The following ROBO2 variants were observed in gnomAD, a reference collection of about 807,000 sequenced individuals.
ROBO2 encodes roundabout homolog 2.
A neutral mutation model predicts 160.8 loss-of-function variants in ROBO2; 53 were observed. That is an observed-to-expected ratio of 0.33 (90% CI 0.26 to 0.41). The LOEUF (loss-of-function observed/expected upper bound fraction) is 0.41, where lower values mean the gene tolerates loss of function less well. ROBO2 is among the 10% of genes least tolerant of loss of function. The pLI, the probability that ROBO2 is intolerant of heterozygous loss-of-function variation, is 1.00. For synonymous variants in ROBO2, 664 were observed against 611.7 expected (o/e 1.09, Z -1.26); for missense variants, 1,577 against 1,722.4 (o/e 0.92, Z 1.49).
intron 2 of ROBO2, among the ~76,000 whole-genome samples, chr3:77,359,186 T>A (rs1223276262): frequency 6.6e-6 from 1 of 152,178 alleles, no homozygotes; most frequent in Non-Finnish European, 1.5e-5. Flanking sequence ...TATTCGTTTC[T>A]CAGGGACACG....
intron 2 of ROBO2, among the ~76,000 whole-genome samples, chr3:76,384,689 C>T (rs996890059): frequency 1.3e-5 from 2 of 152,124 alleles, no homozygotes; most frequent in Non-Finnish European, 2.9e-5. Flanking sequence ...TCCTTCCTCA[C>T]ATGGTGGCAG....
At chr3:77,122,440 G>A (rs1008099476) in intron 2 of ROBO2, among the ~76,000 whole-genome samples, 3 of 152,108 alleles carry the variant, frequency 2.0e-5, no homozygotes, top group South Asian at 2.1e-4. Flanking sequence ...GTGTTGCCCC[G>A]GCAAAGAGCT....
intron 2 of ROBO2, among the ~76,000 whole-genome samples, chr3:76,148,094 C>A (rs2071988374): frequency 6.6e-6 from 1 of 151,986 alleles, no homozygotes; most frequent in African/African-American, 2.4e-5. Context: ...TGTTTACTTT[C>A]ATTTCTCTCC....
chr3:77,543,307 G>A (rs2153646027), intron 6 of ROBO2, among the ~76,000 whole-genome samples: 1 of 152,214 alleles, frequency 6.6e-6, no homozygotes, highest in Non-Finnish European at 1.5e-5. Context: ...CTGCCACAGG[G>A]CAAGAACAAT....
intron 2 of ROBO2, among the ~76,000 whole-genome samples, chr3:76,574,143 C>G (rs1047830771): frequency 1.6e-4 from 24 of 152,022 alleles, no homozygotes; most frequent in African/African-American, 5.8e-4. Flanking sequence ...CAATAAATAT[C>G]TGTTTATTAG....
At chr3:76,532,094 A>G (rs948274781) in intron 2 of ROBO2, among the ~76,000 whole-genome samples, 6 of 152,154 alleles carry the variant, frequency 3.9e-5, no homozygotes, top group Non-Finnish European at 4.4e-5. Flanking sequence ...TAATCAGGAC[A>G]TATCTTTGTC....
chr3:76,602,000 GT>G (rs2087186160), intron 2 of ROBO2, among the ~76,000 whole-genome samples: 1 of 152,096 alleles, frequency 6.6e-6, no homozygotes, highest in East Asian at 1.9e-4. Context: ...TCTCTCTCAA[GT>G]TCAAAGTTCC....
At chr3:76,714,980 A>C (rs2093356365) in intron 2 of ROBO2, among the ~76,000 whole-genome samples, 1 of 152,120 alleles carries the variant, frequency 6.6e-6, no homozygotes. Flanking sequence ...GCTCATAAAC[A>C]TTATTTCTTT....
intron 4 of ROBO2, 78 bp from the exon 5 acceptor site, chr3:77,493,166 T>G (rs906177919): frequency 2.6e-6 from 4 of 1,517,698 alleles, no homozygotes; most frequent in Non-Finnish European, 2.7e-6. Flanking sequence ...TTAGGTTTCC[T>G]TTGCTTTTTT....
chr3:75,990,592 C>T (rs981494168), intron 2 of ROBO2, among the ~76,000 whole-genome samples: 2 of 151,956 alleles, frequency 1.3e-5, no homozygotes, highest in African/African-American at 4.8e-5. Flanking sequence ...CTTTTGTAGT[C>T]CATTGCTAAA....
chr3:76,820,730 A>T (rs2066052756), intron 2 of ROBO2, among the ~76,000 whole-genome samples: 1 of 151,956 alleles, frequency 6.6e-6, no homozygotes, highest in South Asian at 2.1e-4. Context: ...GAGAGTCTGG[A>T]AATATGCAGT....
At chr3:76,732,575 G>GT (rs1553885490) in intron 2 of ROBO2, among the ~76,000 whole-genome samples, 1 of 152,030 alleles carries the variant, frequency 6.6e-6, no homozygotes, top group Non-Finnish European at 1.5e-5. Flanking sequence ...TTTCAGTGTA[G>GT]TTACCCAGTT....
chr3:77,061,747 C>T (rs2149772318), intron 1 of ROBO2, among the ~76,000 whole-genome samples: 1 of 152,220 alleles, frequency 6.6e-6, no homozygotes, highest in East Asian at 1.9e-4. Context: ...TTTGAGCTTC[C>T]CTTGGTCCTG....
chr3:77,469,389 C>CT (rs1444847079), intron 2 of ROBO2, among the ~76,000 whole-genome samples: 1 of 144,480 alleles, frequency 6.9e-6, no homozygotes, highest in East Asian at 1.9e-4. Context: ...AGATAGGGTG[C>CT]TTTTTTCATG....
At chr3:75,999,183 G>A (rs987001099) in intron 2 of ROBO2, among the ~76,000 whole-genome samples, 5 of 152,068 alleles carry the variant, frequency 3.3e-5, no homozygotes, top group African/African-American at 1.2e-4. Flanking sequence ...TAAGACAAAA[G>A]AGTTAAACAA....
In ROBO2 at chr3:77,574,566, C is replaced by T. The variant is rs183209020; in HGVS notation, c.2039C>T (p.Ala680Val). ...TATCGTCAGACTTCAGGTCTGCAGG[C>T]GACATCTTCGTGGCAGAATTTAGAT... Residue 680 changes from alanine to valine, a missense_variant, in exon 14 of 26, where the codon GCG becomes GTG. By Grantham distance (64) the Ala-to-Val change is moderately conservative (BLOSUM62 0). This residue lies in a region of ROBO2 where 940 missense variants were observed against 1,135.5 expected (regional missense o/e 0.83). Transcript: ENST00000461745. The T allele has an allele frequency of 7.2e-5, 116 of 1,613,380 alleles. No individual in the cohort carries two copies. In the African/African-American group the frequency reaches 1.1e-3, roughly 16 times the overall value.
At chr3:76,867,903 A>G (rs955468730) in intron 2 of ROBO2, among the ~76,000 whole-genome samples, 1 of 152,180 alleles carries the variant, frequency 6.6e-6, no homozygotes, top group Non-Finnish European at 1.5e-5. Flanking sequence ...TGATCAAAAT[A>G]TCAGGTATGC....
chr3:77,634,705 A>G (rs1303774470), intron 23 of ROBO2, 165 bp from the exon 25 acceptor site: 3 of 711,524 alleles, frequency 4.2e-6, no homozygotes, highest in Non-Finnish European at 7.3e-6. Flanking sequence ...TGTGCAGCTG[A>G]GAATGTAGAA....
chr3:77,049,556 CA>C (rs2065016297), intron 1 of ROBO2, among the ~76,000 whole-genome samples: 1 of 152,146 alleles, frequency 6.6e-6, no homozygotes, highest in Non-Finnish European at 1.5e-5. Flanking sequence ...CTTTCCTTAT[CA>C]ATAAATGGAA....
Sources: gnomAD v4.1 joint callset for allele counts (sites outside exome capture counted in the v4.1 genomes callset) on GRCh38, gnomAD v4.1.1 for gene constraint, gnomAD v4.1.1 regional missense constraint, MANE v1.5 for transcripts, NCBI Gene and HGNC (gene_info 2026-07-23, HGNC 2026-07-21) for gene names.